APBA2: variants seen among roughly 807,000 people sequenced by gnomAD.
The protein encoded by APBA2 is amyloid-beta A4 precursor protein-binding family A member 2.
In APBA2, 30 loss-of-function variants were observed where a neutral mutation model predicts 75.0. The observed-to-expected ratio is 0.40, with a 90% CI of 0.30 to 0.54. APBA2 has a LOEUF of 0.54. APBA2 is among the 20% of genes least tolerant of loss of function. The pLI is 0.49. For synonymous variants in APBA2, 444 were observed against 409.6 expected (o/e 1.08, Z -1.01); for missense variants, 801 against 1,016.1 (o/e 0.79, Z 2.88).
At chr15:29,059,689 C>T (rs1052121378) in intron 4 of APBA2, among the ~76,000 whole-genome samples, 2 of 152,070 alleles carry the variant, frequency 1.3e-5, no homozygotes, top group Non-Finnish European at 2.9e-5. Flanking sequence ...AAATGTGTCC[C>T]GAGGCTCATA....
At chr15:28,903,515 C>T (rs965115735) in intron 1 of APBA2, among the ~76,000 whole-genome samples, 11 of 152,188 alleles carry the variant, frequency 7.2e-5, no homozygotes, top group African/African-American at 2.2e-4. Context: ...GTTACATAAG[C>T]GTCAGCGCCT....
chr15:29,037,713 G>A (rs1454680579), intron 3 of APBA2, among the ~76,000 whole-genome samples: 1 of 152,170 alleles, frequency 6.6e-6, no homozygotes, highest in African/African-American at 2.4e-5. Flanking sequence ...ATAAAGAAAA[G>A]AAGTTTATTG....
intron 2 of APBA2, among the ~76,000 whole-genome samples, chr15:28,960,792 C>T (rs2036426260): frequency 1.3e-5 from 2 of 149,308 alleles, no homozygotes; most frequent in African/African-American, 5.0e-5. Context: ...CGGAGTGTCA[C>T]ACTGTCACCC....
At chr15:29,075,928 A>G in intron 5 of APBA2, 127 bp from the exon 6 acceptor site, 4 of 841,882 alleles carry the variant, frequency 4.8e-6, no homozygotes, top group Non-Finnish European at 8.1e-6. Context: ...CATCTTCAGA[A>G]CACCATCACT....
intron 3 of APBA2, among the ~76,000 whole-genome samples, chr15:29,050,956 C>T (rs1322805806): frequency 1.4e-5 from 2 of 142,252 alleles, no homozygotes; most frequent in African/African-American, 6.0e-5. Context: ...AGTGATGTAC[C>T]ATCTGCCCTT....
intron 3 of APBA2, among the ~76,000 whole-genome samples, chr15:29,040,752 A>G (rs934467814): frequency 7.2e-5 from 11 of 152,248 alleles, no homozygotes; most frequent in African/African-American, 2.4e-4. Context: ...CAGGGTTAAA[A>G]TGTACATATT....
At position 28,965,708 on chromosome 15, in the gene APBA2, C is replaced by T. The variant is rs188540081; in HGVS notation, c.-94-30045C>T. 9.2e-5 allele frequency among the ~76,000 whole-genome samples: 14 copies of T among 152,176 alleles called. No homozygotes were observed. The East Asian group carries it at 2.3e-3, about 25-fold the overall frequency. On this transcript the variant is annotated intron_variant, in intron 2 of 14. Transcript: ENST00000683413. ...TTTTGTTAGATATATTCATAAGTAT[C>T]TTCTTGTTATCTTTAGAGCAACTTT...
intron 1 of APBA2, among the ~76,000 whole-genome samples, chr15:28,890,908 C>T (rs1298753986): frequency 2.0e-5 from 3 of 152,094 alleles, no homozygotes; most frequent in Non-Finnish European, 4.4e-5. Context: ...GTTACAGCTA[C>T]GGCCTAGTGA....
rs1276451086 is a variant in APBA2 at position 29,105,514 on chromosome 15, A to G, written c.1660A>G (p.Asn554Asp). ...SDIINTQEMYNDDLIHFSNSE... is the reference protein window; with the variant it reads ...SDIINTQEMYDDDLIHFSNSE... ...CATCATCAACACCCAGGAGATGTACAACGACGACCTCATCCACTTCTCAAA... is the reference window on the plus strand; with the variant it reads ...CATCATCAACACCCAGGAGATGTACGACGACGACCTCATCCACTTCTCAAA... The change falls in exon 11 of 15, where the codon AAC (asparagine) becomes GAC (aspartate). Residue 554 changes from asparagine to aspartate, a missense_variant. Asn to Asp is a conservative substitution (Grantham distance 23). Coordinates refer to ENST00000683413, the MANE Select transcript of APBA2 (RefSeq NM_001353788.2). The G allele has an allele frequency of 1.9e-6, 3 of 1,613,660 alleles. No homozygotes were observed. Among genetic ancestry groups the G allele is most frequent in the Non-Finnish European group, 2.5e-6 (3 of 1,180,018 alleles).
intron 14 of APBA2, 26 bp from the exon 15 acceptor site, chr15:29,117,036 G>T: frequency 6.2e-7 from 1 of 1,611,558 alleles, no homozygotes; most frequent in Non-Finnish European, 8.5e-7. Flanking sequence ...GAGGGCAGCG[G>T]CTCAGCCTCC....
At chr15:28,959,779 G>A (rs112075653) in intron 2 of APBA2, among the ~76,000 whole-genome samples, 2,281 of 152,302 alleles carry the variant, frequency 0.015, 20 homozygotes, top group Middle Eastern at 0.058. Context: ...CAGAGAACTA[G>A]GCAGCACCTG....
At chr15:28,942,907 C>T (rs559594516) in intron 2 of APBA2, among the ~76,000 whole-genome samples, 91 of 152,278 alleles carry the variant, frequency 6.0e-4, no homozygotes, top group African/African-American at 2.1e-3. Flanking sequence ...AGCCCCTGAG[C>T]GACTCTGCTC....
At chr15:29,111,407 A>G (rs1465832652) in intron 13 of APBA2, among the ~76,000 whole-genome samples, 1 of 152,068 alleles carries the variant, frequency 6.6e-6, no homozygotes, top group Non-Finnish European at 1.5e-5. Flanking sequence ...AGAGGGGCAA[A>G]TGCTGGCTGT....
intron 2 of APBA2, among the ~76,000 whole-genome samples, chr15:28,993,908 G>A (rs992561782): frequency 6.6e-6 from 1 of 152,146 alleles, no homozygotes; most frequent in Non-Finnish European, 1.5e-5. Flanking sequence ...GCCCAGAGCC[G>A]GAGTTTAGGG....
chr15:28,914,980 TACACGCC>T (rs1248043144), intron 1 of APBA2, among the ~76,000 whole-genome samples: 3 of 132,004 alleles, frequency 2.3e-5, no homozygotes, highest in Non-Finnish European at 4.9e-5. Context: ...GCATACCCCA[TACACGCC>T]ACACACATAT....
intron 6 of APBA2, among the ~76,000 whole-genome samples, chr15:29,088,334 T>A (rs945351201): frequency 6.6e-6 from 1 of 152,060 alleles, no homozygotes; most frequent in Admixed American, 6.5e-5. Context: ...AGATGGTTCA[T>A]TCCCAAATCT....
At chr15:28,957,986 C>T (rs750760615) in intron 2 of APBA2, among the ~76,000 whole-genome samples, 1 of 152,210 alleles carries the variant, frequency 6.6e-6, no homozygotes, top group Non-Finnish European at 1.5e-5. Flanking sequence ...GGAGCCGAGA[C>T]AGGCGGGGGA....
intron 3 of APBA2, among the ~76,000 whole-genome samples, chr15:29,031,487 G>A (rs1331722956): frequency 2.7e-5 from 4 of 150,708 alleles, no homozygotes; most frequent in Non-Finnish European, 5.9e-5. Flanking sequence ...TTTTTTTTTT[G>A]AGATGGAGTT....
intron 2 of APBA2, among the ~76,000 whole-genome samples, chr15:28,935,414 A>G (rs866931710): frequency 2.6e-5 from 4 of 151,926 alleles, no homozygotes; most frequent in African/African-American, 9.7e-5. Context: ...TTCTAGGGCC[A>G]GCAGAGCTCA....
Sources: gnomAD v4.1 joint callset for allele counts (sites outside exome capture counted in the v4.1 genomes callset) on GRCh38, gnomAD v4.1.1 for gene constraint, MANE v1.5 for transcripts, NCBI Gene and HGNC (gene_info 2026-07-23, HGNC 2026-07-21) for gene names.